Variants in ARFGEF2 observed in about 807,000 individuals in gnomAD.
ARFGEF2 encodes brefeldin A-inhibited guanine nucleotide-exchange protein 2.
ARFGEF2 carries 74 observed loss-of-function variants against 219.9 expected under a neutral mutation model. The ratio of observed to expected loss-of-function variants is 0.34; its 90% CI spans 0.28 to 0.41. ARFGEF2 has a LOEUF of 0.41. Among genes scored for constraint, ARFGEF2 ranks in the 10% least tolerant of loss-of-function variants. The pLI, the probability that ARFGEF2 is intolerant of heterozygous loss-of-function variation, is 1.00. For synonymous variants in ARFGEF2, 733 were observed against 799.2 expected (o/e 0.92, Z 1.40); for missense variants, 1,743 against 2,218.3 (o/e 0.79, Z 4.30).
chr20:49,005,691 T>A (rs989324965), intron 26 of ARFGEF2, among the ~76,000 whole-genome samples: 1 of 146,126 alleles, frequency 6.8e-6, no homozygotes, highest in African/African-American at 2.6e-5. Context: ...TGAGCCAAGA[T>A]TGCGCCACTG....
intron 14 of ARFGEF2, among the ~76,000 whole-genome samples, chr20:48,983,970 T>C (rs1008290462): frequency 1.3e-4 from 19 of 151,558 alleles, no homozygotes; most frequent in Admixed American, 2.6e-4. Flanking sequence ...TCCCAGCACG[T>C]TGGGAGGCTA....
intron 1 of ARFGEF2, among the ~76,000 whole-genome samples, chr20:48,928,206 T>C (rs1789016596): frequency 6.8e-6 from 1 of 146,860 alleles, no homozygotes; most frequent in Non-Finnish European, 1.5e-5. Flanking sequence ...TTTTTTTTTT[T>C]TTTTTTTTTT....
intron 30 of ARFGEF2, among the ~76,000 whole-genome samples, chr20:49,015,956 T>C (rs1001384656): frequency 1.3e-5 from 2 of 152,238 alleles, no homozygotes; most frequent in Non-Finnish European, 2.9e-5. Context: ...ATGTAGCATA[T>C]GCATACATGA....
chr20:48,942,189 A>T (rs1568694122), intron 3 of ARFGEF2, among the ~76,000 whole-genome samples: 1 of 151,902 alleles, frequency 6.6e-6, no homozygotes, highest in Non-Finnish European at 1.5e-5. Flanking sequence ...AAAACCAGAA[A>T]TTTTTTCCCC....
rs144227832 is a variant in ARFGEF2, at chr20:48,984,780, G to A, written c.2010G>A (p.Met670Ile). The A allele has an allele frequency of 1.3e-4, 210 of 1,613,700 alleles. No homozygotes were observed. Among genetic ancestry groups the A allele is most frequent in the Non-Finnish European group, 1.7e-4 (199 of 1,180,032 alleles). Residue 670 changes from methionine to isoleucine, a missense_variant, in exon 15 of 39, where the codon ATG (methionine) becomes ATA (isoleucine). Physicochemically the swap from Met to Ile is conservative, Grantham distance 10 (BLOSUM62 1). Transcript: ENST00000371917. ...TCCAGTTTCTCCAGGAGCAGGGCAT[G>A]CTGGGAACGTCAGTTGAAGACATAG... ...RGIQFLQEQG[M>I]LGTSVEDIAQ...
chr20:49,036,395 C>G lies in ARFGEF2; in HGVS notation c.*3196C>G. 2.5e-6 allele frequency: 1 copy of G among 396,238 alleles called. No individual in the cohort carries two copies. The highest frequency in any genetic ancestry group is 4.4e-6 in the Non-Finnish European group (1 of 225,126). The allele number at this position is 396,238 out of a possible 1,614,324, so 24.5% of individuals were successfully genotyped here. ...TGTTCTAATTTTTAAAAAATTTTAT[C>G]TGCATATTTGCATCAAATATTTATG... On this transcript the variant is annotated 3_prime_UTR_variant, in exon 39 of 39. Transcript: ENST00000371917.
chr20:48,984,919 T>A, intron 15 of ARFGEF2, 79 bp downstream of exon 15: 1 of 1,606,852 alleles, frequency 6.2e-7, no homozygotes, highest in Non-Finnish European at 8.5e-7. Context: ...ACCTCGAGAT[T>A]GTCTGGCCCT....
At chr20:48,965,748 G>A in intron 7 of ARFGEF2, 124 bp from the exon 8 acceptor site, 5 of 1,132,734 alleles carry the variant, frequency 4.4e-6, no homozygotes, top group South Asian at 1.3e-5. Context: ...ATGGGCTGGT[G>A]GCACAGGAAA....
At chr20:49,020,582 A>G (rs776392410) in intron 34 of ARFGEF2, among the ~76,000 whole-genome samples, 3 of 152,120 alleles carry the variant, frequency 2.0e-5, no homozygotes, top group Non-Finnish European at 4.4e-5. Flanking sequence ...AGTAGCTGGG[A>G]CTATAGGCAT....
chr20:49,031,272 C>T (rs2123585278), intron 37 of ARFGEF2, among the ~76,000 whole-genome samples: 1 of 130,162 alleles, frequency 7.7e-6, no homozygotes, highest in South Asian at 2.5e-4. Context: ...CTCTATCGCC[C>T]AGGCTGGAGT....
intron 14 of ARFGEF2, 96 bp downstream of exon 14, chr20:48,976,295 C>T: frequency 6.8e-7 from 1 of 1,472,456 alleles, no homozygotes; most frequent in East Asian, 2.4e-5. Context: ...TGCCTGTTTA[C>T]AAAAGGCTGG....
chr20:48,937,319 C>T (rs866886476), intron 1 of ARFGEF2, among the ~76,000 whole-genome samples: 5 of 152,372 alleles, frequency 3.3e-5, no homozygotes, highest in African/African-American at 7.2e-5. Context: ...CCTCCATGGG[C>T]TTCCTCCCAT....
At chr20:48,978,298 T>C (rs1458838609) in intron 14 of ARFGEF2, among the ~76,000 whole-genome samples, 1 of 152,186 alleles carries the variant, frequency 6.6e-6, no homozygotes, top group Non-Finnish European at 1.5e-5. Context: ...AGATGCATGG[T>C]ATTTCTGAGG....
intron 27 of ARFGEF2, 56 bp from the exon 28 acceptor site, chr20:49,011,868 T>C: frequency 1.9e-6 from 3 of 1,605,860 alleles, no homozygotes; most frequent in Non-Finnish European, 2.6e-6. Flanking sequence ...CGTGCATTTT[T>C]TCATCCCCAT....
Position 48,940,732 on chromosome 20 carries a change from A to G in ARFGEF2, c.122-467A>G, listed in dbSNP as rs115519811. Among the ~76,000 whole-genome samples the G allele has an allele frequency of 3.3e-3, 506 of 152,354 alleles. 3 individuals are homozygous for G. Among genetic ancestry groups the G allele is most frequent in the African/African-American group, 0.012 (483 of 41,578 alleles). On this transcript the variant is annotated intron_variant, in intron 1 of 38. Coordinates refer to ENST00000371917, the MANE Select transcript of ARFGEF2 (RefSeq NM_006420.3). Reference sequence around the variant, plus strand: ...CTTCTCATCAAGAGCAGTTTTGCTCAGGAGACACTTGGCAATGTCTACAGA... The same window carrying G: ...CTTCTCATCAAGAGCAGTTTTGCTCGGGAGACACTTGGCAATGTCTACAGA...
chr20:48,995,280 G>A (rs2091379366), intron 22 of ARFGEF2, among the ~76,000 whole-genome samples: 3 of 152,150 alleles, frequency 2.0e-5, no homozygotes, highest in Admixed American at 1.3e-4. Context: ...ATCCAACTAC[G>A]GAGTGTAGGC....
Position 48,953,686 on chromosome 20 carries a change from C to T in ARFGEF2, c.734C>T (p.Pro245Leu). Residue 245 changes from proline to leucine, a missense_variant, in exon 6 of 39, where the codon CCC (proline) becomes CTC (leucine). Transcript: ENST00000371917. ...CAGGCACAAAGCAAACCAACAACTC[C>T]CGAAAAAACAGATTTAACCAACGGT... The part of the protein sequence containing the change: ...HSQAQSKPTT[P>L]EKTDLTNGEH... 1 of 1,614,042 alleles carries T rather than the reference C, an allele frequency of 6.2e-7. No individual in the cohort carries two copies. Among genetic ancestry groups the T allele is most frequent in the African/African-American group, 1.3e-5 (1 of 74,986 alleles).
At chr20:49,007,272 CTT>C (rs1271395484) in intron 26 of ARFGEF2, among the ~76,000 whole-genome samples, 3 of 149,140 alleles carry the variant, frequency 2.0e-5, no homozygotes, top group Non-Finnish European at 4.4e-5. Flanking sequence ...AAAAAGTGTA[CTT>C]CAGATCAGCC....
chr20:48,998,194 A>T lies in ARFGEF2; in HGVS notation c.3223A>T (p.Ile1075Phe). ...SQSVVVAVDRIFTGSTRLDGN... is the reference protein window; with the variant it reads ...SQSVVVAVDRFFTGSTRLDGN... ...TTTTGTCTGGAATTATCTTCCTAGG[A>T]TTTTTACTGGGTCTACCAGACTGGA... The change falls in exon 24 of 39, where the codon ATT becomes TTT. Residue 1075 changes from isoleucine (I) to phenylalanine (F), a missense_variant and splice_region_variant. Transcript: ENST00000371917. 1 of 1,613,982 alleles carries T rather than the reference A, an allele frequency of 6.2e-7. No individual in the cohort carries two copies. The highest frequency in any genetic ancestry group is 2.2e-5 in the East Asian group (1 of 44,876).
Sources: gnomAD v4.1 joint callset for allele counts (sites outside exome capture counted in the v4.1 genomes callset) on GRCh38, gnomAD v4.1.1 for gene constraint, MANE v1.5 for transcripts, NCBI Gene and HGNC (gene_info 2026-07-23, HGNC 2026-07-21) for gene names.